Variants in LYPD6B observed in about 807,000 individuals in gnomAD.
LYPD6B encodes LY6/PLAUR domain containing 6B.
In LYPD6B, 17 loss-of-function variants were observed where a neutral mutation model predicts 22.8. The ratio of observed to expected loss-of-function variants is 0.75; its 90% confidence interval spans 0.51 to 1.12. LYPD6B has a LOEUF of 1.12. Ranked by LOEUF, LYPD6B falls within the 50% of genes most tolerant of loss-of-function variation. The pLI is 0.00. For synonymous variants in LYPD6B, 106 were observed against 91.6 expected (o/e 1.16, Z -0.90); for missense variants, 221 against 258.3 (o/e 0.86, Z 0.99).
intron 5 of LYPD6B, among the ~76,000 whole-genome samples, chr2:149,209,086 T>C (rs879817693): frequency 1.3e-5 from 2 of 152,044 alleles, no homozygotes; most frequent in Non-Finnish European, 2.9e-5. Context: ...AGAGGCTTAG[T>C]GGGAGATGGA....
chr2:149,172,666 A>G (rs1019335624), intron 3 of LYPD6B, among the ~76,000 whole-genome samples: 3 of 152,102 alleles, frequency 2.0e-5, no homozygotes, highest in African/African-American at 7.2e-5. Context: ...GTCTGTGAGG[A>G]TGTTTCTAGA....
At chr2:149,047,246 T>A (rs553326890) in intron 1 of LYPD6B, among the ~76,000 whole-genome samples, 105 of 150,716 alleles carry the variant, frequency 7.0e-4, no homozygotes, top group African/African-American at 2.1e-3. Context: ...TGGCAATGAA[T>A]TCTAAGTTTT....
chr2:149,187,284 TA>T, intron 3 of LYPD6B: 1 of 892,452 alleles, frequency 1.1e-6, no homozygotes, highest in South Asian at 3.8e-5. Context: ...CATGTTTGTA[TA>T]AGCCCAGAAT....
chr2:149,163,412 A>G (rs1288788787), intron 3 of LYPD6B, among the ~76,000 whole-genome samples: 1 of 152,190 alleles, frequency 6.6e-6, no homozygotes, highest in African/African-American at 2.4e-5. Flanking sequence ...TACCCACAAA[A>G]TAGATAGTAC....
At chr2:149,098,296 G>A (rs564784925) in intron 1 of LYPD6B, among the ~76,000 whole-genome samples, 72 of 152,222 alleles carry the variant, frequency 4.7e-4, no homozygotes, top group Admixed American at 9.2e-4. Context: ...CTTTCTCCAC[G>A]TGAGTTATAT....
Position 149,103,833 on chromosome 2 carries a change from G to A in LYPD6B, c.-66-27050G>A, listed in dbSNP as rs1301818433. On this transcript the variant is annotated intron_variant, in intron 1 of 6. Transcript: ENST00000409642. ...TCTCTCTTGCCCAGGCTGGAGTGCA[G>A]TGGCATGATCTCAGATCACCGCAAC... Among the ~76,000 whole-genome samples the A allele has an allele frequency of 2.3e-5, 3 of 131,864 alleles. No individual in the cohort carries two copies. In the Admixed American group the frequency reaches 2.7e-4, roughly 12 times the overall value. 86.5% of individuals were successfully genotyped at this position (131,864 alleles called of 152,430 possible). A position where few individuals can be genotyped will look rare whatever the true frequency, so the allele number is the denominator to read the frequency against.
chr2:149,202,080 TAGAG>T (rs1693197188), intron 3 of LYPD6B, among the ~76,000 whole-genome samples: 1 of 152,214 alleles, frequency 6.6e-6, no homozygotes, highest in African/African-American at 2.4e-5. Flanking sequence ...CATTTATTCT[TAGAG>T]AGACCTTTGC....
chr2:149,181,264 T>C (rs1398496453), intron 3 of LYPD6B, among the ~76,000 whole-genome samples: 1 of 152,126 alleles, frequency 6.6e-6, no homozygotes, highest in Non-Finnish European at 1.5e-5. Flanking sequence ...TTACCTTTGT[T>C]AATCCTGAAT....
At chr2:149,120,410 A>T (rs1272949632) in intron 1 of LYPD6B, among the ~76,000 whole-genome samples, 2 of 75,522 alleles carry the variant, frequency 2.6e-5, no homozygotes, top group Non-Finnish European at 4.6e-5. Context: ...TTTGAGATGG[A>T]GTCTTGCTAT....
intron 3 of LYPD6B, among the ~76,000 whole-genome samples, chr2:149,184,944 C>A (rs1691992752): frequency 6.6e-6 from 1 of 152,186 alleles, no homozygotes; most frequent in Non-Finnish European, 1.5e-5. Flanking sequence ...CCATAAAGTG[C>A]CTCTTAAAAG....
Position 149,213,087 on chromosome 2 carries a change from G to A in LYPD6B, c.424G>A (p.Val142Ile). 1 of 1,613,894 alleles carries A rather than the reference G, an allele frequency of 6.2e-7. No homozygotes were observed. The highest frequency in any genetic ancestry group is 8.5e-7 in the Non-Finnish European group (1 of 1,179,858). Residue 142 changes from valine (V) to isoleucine (I), a missense_variant, in exon 6 of 7, where the codon GTC becomes ATC. Physicochemically the swap from Val to Ile is conservative, Grantham distance 29. Coordinates refer to ENST00000409642, the MANE Select transcript of LYPD6B (RefSeq NM_177964.5). Reference sequence around the variant, plus strand: ...TGCCTCCAGAAGTGAATGTCATTTTGTCGGTTGCCACCACAGCCGAGATTC... The same window carrying A: ...TGCCTCCAGAAGTGAATGTCATTTTATCGGTTGCCACCACAGCCGAGATTC... ...KCASRSECHF[V>I]GCHHSRDSEH...
chr2:149,181,006 G>GC (rs1194092178), intron 3 of LYPD6B, among the ~76,000 whole-genome samples: 2 of 152,172 alleles, frequency 1.3e-5, no homozygotes, highest in African/African-American at 4.8e-5. Context: ...GATGTGTTAA[G>GC]CTATGGAAGC....
intron 1 of LYPD6B, 30 bp downstream of exon 1, chr2:149,038,831 C>A (rs1682921196): frequency 6.6e-6 from 1 of 150,502 alleles, no homozygotes; most frequent in Non-Finnish European, 1.5e-5. Context: ...CAGGCGGGGG[C>A]GGTGGTGGGT....
chr2:149,069,743 C>T (rs1157022543), intron 1 of LYPD6B, among the ~76,000 whole-genome samples: 1 of 152,120 alleles, frequency 6.6e-6, no homozygotes, highest in African/African-American at 2.4e-5. Context: ...TCCACAGCAT[C>T]ACCGAGTGCC....
At chr2:149,049,954 T>C (rs182733652) in intron 1 of LYPD6B, among the ~76,000 whole-genome samples, 1 of 152,324 alleles carries the variant, frequency 6.6e-6, no homozygotes, top group East Asian at 1.9e-4. Flanking sequence ...TAAGAGAATC[T>C]GTAGGCTAGA....
At chr2:149,083,780 T>C (rs1685248084) in intron 1 of LYPD6B, among the ~76,000 whole-genome samples, 2 of 152,122 alleles carry the variant, frequency 1.3e-5, no homozygotes, top group Non-Finnish European at 2.9e-5. Flanking sequence ...CTTTCCGCTG[T>C]AGAAGTACAC....
In LYPD6B at chr2:149,214,651, A is replaced by C; in HGVS notation, c.565A>C (p.Ser189Arg). 6.2e-7 allele frequency: 1 copy of C among 1,614,018 alleles called. No individual in the cohort carries two copies. The highest frequency in any genetic ancestry group is 8.5e-7 in the Non-Finnish European group (1 of 1,179,876). Reference sequence around the variant, plus strand: ...GCACGCTCAGAGAACATCTGGCAGCAGTGCCCCCACACTCTACCTACCAGT... The same window carrying C: ...GCACGCTCAGAGAACATCTGGCAGCCGTGCCCCCACACTCTACCTACCAGT... ...VMHAQRTSGS[S>R]APTLYLPVLA... Residue 189 changes from serine to arginine, a missense_variant, in exon 7 of 7, where the codon AGT becomes CGT. Coordinates refer to ENST00000409642, the MANE Select transcript of LYPD6B (RefSeq NM_177964.5).
At chr2:149,087,827 A>G (rs1339372325) in intron 1 of LYPD6B, among the ~76,000 whole-genome samples, 1 of 152,206 alleles carries the variant, frequency 6.6e-6, no homozygotes, top group African/African-American at 2.4e-5. Flanking sequence ...ATCAGAGCCT[A>G]TGTAAACAGA....
At chr2:149,167,576 G>C (rs1262808101) in intron 3 of LYPD6B, among the ~76,000 whole-genome samples, 1 of 152,150 alleles carries the variant, frequency 6.6e-6, no homozygotes, top group Non-Finnish European at 1.5e-5. Flanking sequence ...TTCTGGGACA[G>C]TGGGGGAGCA....
Sources: gnomAD v4.1 joint callset for allele counts (sites outside exome capture counted in the v4.1 genomes callset) on GRCh38, gnomAD v4.1.1 for gene constraint, MANE v1.5 for transcripts, NCBI Gene and HGNC (gene_info 2026-07-23, HGNC 2026-07-21) for gene names.